The following CNKSR3 variants were observed in gnomAD, a reference collection of about 807,000 sequenced individuals.
The protein encoded by CNKSR3 is connector enhancer of kinase suppressor of ras 3.
Under a neutral mutation model 67.7 loss-of-function variants are expected in CNKSR3, and 36 were observed. The ratio of observed to expected loss-of-function variants is 0.53; its 90% CI spans 0.41 to 0.70. CNKSR3 has a LOEUF of 0.70. Among genes scored for constraint, CNKSR3 ranks in the 30% least tolerant of loss-of-function variants. The pLI is 0.00. For missense variants in CNKSR3, 630 were observed against 695.2 expected (o/e 0.91, Z 1.05); for synonymous variants, 281 against 271.4 (o/e 1.04, Z -0.35).
intron 9 of CNKSR3, among the ~76,000 whole-genome samples, chr6:154,419,971 T>C (rs1257232244): frequency 6.6e-6 from 1 of 151,870 alleles, no homozygotes; most frequent in Non-Finnish European, 1.5e-5. Flanking sequence ...TTTCAGCTAC[T>C]CAGAGGAGGC....
Position 154,401,043 on chromosome 6 carries a change from T to C in CNKSR3, c.*5311A>G, listed in dbSNP as rs963494628. On this transcript the variant is annotated 3_prime_UTR_variant, in exon 13 of 13. Coordinates refer to ENST00000607772, the MANE Select transcript of CNKSR3 (RefSeq NM_173515.4). ...TACATCATGCAAAATTTTCCACGTA[T>C]TGGAAGAAACATCAGAAATCAGCTT... is the stretch of plus-strand genomic sequence containing the variant. The C allele has an allele frequency of 6.6e-6, 1 of 152,210 alleles. No homozygotes were observed. The highest frequency in any genetic ancestry group is 2.4e-5 in the African/African-American group (1 of 41,454). The allele number at this position is 152,210 out of a possible 1,614,324, so 9.4% of individuals were successfully genotyped here.
At chr6:154,495,447 T>C (rs981129745) in intron 1 of CNKSR3, among the ~76,000 whole-genome samples, 1 of 151,664 alleles carries the variant, frequency 6.6e-6, no homozygotes, top group Non-Finnish European at 1.5e-5. Flanking sequence ...TAGCTCACTG[T>C]AGCCTCGAAC....
chr6:154,390,606 C>T lies in CNKSR3; in HGVS notation c.*15748G>A, dbSNP rs375198516. The T allele has an allele frequency of 6.6e-6, 1 of 152,064 alleles. No individual in the cohort carries two copies. Among genetic ancestry groups the T allele is most frequent in the Non-Finnish European group, 1.5e-5 (1 of 68,038 alleles). The allele number at this position is 152,064 out of a possible 1,614,324, so 9.4% of individuals were successfully genotyped here. A position where few individuals can be genotyped will look rare whatever the true frequency, so the allele number is the denominator to read the frequency against. On this transcript the variant is annotated 3_prime_UTR_variant, in exon 13 of 13. Coordinates refer to ENST00000607772, the MANE Select transcript of CNKSR3 (RefSeq NM_173515.4). Reference sequence around the variant, plus strand: ...AGTGGGACACAATTGCCTAGTGCCCCGTTGTGTCTCTGTTTGGCTCATTTT... The same window carrying T: ...AGTGGGACACAATTGCCTAGTGCCCTGTTGTGTCTCTGTTTGGCTCATTTT...
intron 1 of CNKSR3, among the ~76,000 whole-genome samples, chr6:154,464,413 G>A (rs548846699): frequency 3.3e-5 from 5 of 152,216 alleles, no homozygotes; most frequent in Admixed American, 6.5e-5. Flanking sequence ...TAAGCAGCAC[G>A]TTAAAGAAAG....
Position 154,450,145 on chromosome 6 carries a change from T to A in CNKSR3, c.166A>T (p.Ile56Phe). 6.2e-7 allele frequency: 1 copy of A among 1,614,126 alleles called. No homozygotes were observed. Among genetic ancestry groups the A allele is most frequent in the Non-Finnish European group, 8.5e-7 (1 of 1,180,018 alleles). The change falls in exon 2 of 13, where the codon ATT (isoleucine) becomes TTT (phenylalanine). Residue 56 changes from isoleucine (I) to phenylalanine (F), a missense_variant. Physicochemically the swap from Ile to Phe is conservative, Grantham distance 21. This residue lies in a region of CNKSR3 where 189 missense variants were observed against 205.0 expected (regional missense o/e 0.92). Transcript: ENST00000607772. ...QDLEELGVTRIGHQELVLEAV... is the reference protein window; with the variant it reads ...QDLEELGVTRFGHQELVLEAV... The stretch of plus-strand genomic sequence containing the variant: ...TCCAACACAAGCTCCTGGTGTCCAA[T>A]CCGTGTGACCCCCAGCTCCTCCAGG...
intron 12 of CNKSR3, among the ~76,000 whole-genome samples, chr6:154,409,000 T>A (rs879901105): frequency 3.3e-5 from 5 of 152,326 alleles, no homozygotes; most frequent in Non-Finnish European, 7.4e-5. Context: ...AGGAAGATGT[T>A]AACGTGTCTA....
intron 1 of CNKSR3, among the ~76,000 whole-genome samples, chr6:154,452,339 A>G (rs4311523): frequency 0.7 from 106,895 of 152,072 alleles, 37,925 homozygotes; most frequent in East Asian, 0.9. Context: ...TCTTAAATCA[A>G]CAGTAAGGTC....
chr6:154,407,872 G>GAA (rs56406534), intron 12 of CNKSR3, among the ~76,000 whole-genome samples: 13,249 of 68,610 alleles, frequency 0.19, 2,980 homozygotes, highest in East Asian at 0.26. Flanking sequence ...TTTAGAATTT[G>GAA]AAAAAAAAAA....
chr6:154,500,464 A>G (rs1030252958), intron 1 of CNKSR3, among the ~76,000 whole-genome samples: 1 of 152,206 alleles, frequency 6.6e-6, no homozygotes, highest in East Asian at 1.9e-4. Flanking sequence ...TGGAGCTGAC[A>G]GACTGTCTCC....
Position 154,450,140 on chromosome 6 carries a change from T to C in CNKSR3, c.171A>G (p.Gly57=). The change falls in exon 2 of 13, where the codon GGA becomes GGG. Residue 57 remains glycine, a synonymous_variant. Transcript: ENST00000607772. ...CAGCCTCCAACACAAGCTCCTGGTG[T>C]CCAATCCGTGTGACCCCCAGCTCCT... ...DLEELGVTRI[G]HQELVLEAVD... 6.2e-7 allele frequency: 1 copy of C among 1,614,122 alleles called. No homozygotes were observed. The highest frequency in any genetic ancestry group is 1.1e-5 in the South Asian group (1 of 91,082).
At position 154,397,108 on chromosome 6, in the gene CNKSR3, A is replaced by G. The variant is rs1270518691; in HGVS notation, c.*9246T>C. On this transcript the variant is annotated 3_prime_UTR_variant, in exon 13 of 13. Coordinates refer to ENST00000607772, the MANE Select transcript of CNKSR3 (RefSeq NM_173515.4). ...GGCGTGACCCACCGCGCCCGGCCTC[A>G]CTAATTGTTAGTTTAAATTACCACC... 1 of 152,076 alleles carries G rather than the reference A, an allele frequency of 6.6e-6. No homozygotes were observed. Among genetic ancestry groups the G allele is most frequent in the East Asian group, 1.9e-4 (1 of 5,196 alleles). The allele number at this position is 152,076 out of a possible 1,614,324, so 9.4% of individuals were successfully genotyped here. A position where few individuals can be genotyped will look rare whatever the true frequency, so the allele number is the denominator to read the frequency against.
chr6:154,406,129 C>G lies in CNKSR3; in HGVS notation c.*225G>C, dbSNP rs1784782901. 1 of 549,706 alleles carries G rather than the reference C, an allele frequency of 1.8e-6. No individual in the cohort carries two copies. Among genetic ancestry groups the G allele is most frequent in the Non-Finnish European group, 3.2e-6 (1 of 309,396 alleles). 34.1% of individuals were successfully genotyped at this position (549,706 alleles called of 1,614,324 possible). ...GGAAGCAAGACAAACAGGCTCTACC[C>G]ATTTCCCTCCTTTTGTCTCCACAAG... On this transcript the variant is annotated 3_prime_UTR_variant, in exon 13 of 13. Transcript: ENST00000607772.
intron 11 of CNKSR3, 78 bp from the exon 12 acceptor site, chr6:154,410,510 T>C (rs1416817994): frequency 1.1e-6 from 1 of 936,908 alleles, no homozygotes; most frequent in Non-Finnish European, 1.7e-6. Context: ...TATGTATAAC[T>C]TAGACCTCAC....
intron 1 of CNKSR3, among the ~76,000 whole-genome samples, chr6:154,495,356 CTTTTT>C (rs149762490): frequency 1.5e-5 from 2 of 129,622 alleles, no homozygotes; most frequent in South Asian, 2.5e-4. Context: ...GAATTCAACA[CTTTTT>C]TTTTTTTTTT....
chr6:154,443,912 T>C (rs1052147658), intron 2 of CNKSR3, among the ~76,000 whole-genome samples: 2 of 152,178 alleles, frequency 1.3e-5, no homozygotes, highest in Non-Finnish European at 2.9e-5. Flanking sequence ...TGTGTTCTTT[T>C]TGAACAATGT....
At chr6:154,455,518 T>A (rs1172297233) in intron 1 of CNKSR3, among the ~76,000 whole-genome samples, 2 of 151,828 alleles carry the variant, frequency 1.3e-5, no homozygotes, top group Non-Finnish European at 2.9e-5. Flanking sequence ...TTTCTTTCAC[T>A]CTTGTCAATT....
In CNKSR3 at chr6:154,405,305, T is replaced by A. The variant is rs1784765023; in HGVS notation, c.*1049A>T. 6.6e-6 allele frequency: 1 copy of A among 152,614 alleles called. No individual in the cohort carries two copies. The highest frequency in any genetic ancestry group is 2.4e-5 in the African/African-American group (1 of 41,444). The allele number at this position is 152,614 out of a possible 1,614,324, so 9.5% of individuals were successfully genotyped here. On this transcript the variant is annotated 3_prime_UTR_variant, in exon 13 of 13. Coordinates refer to ENST00000607772, the MANE Select transcript of CNKSR3 (RefSeq NM_173515.4). Reference sequence around the variant, plus strand: ...TATTTCAATTACAGGTGACTAAGAGTAAGAAAAATATACAACTATATTTAA... The same window carrying A: ...TATTTCAATTACAGGTGACTAAGAGAAAGAAAAATATACAACTATATTTAA...
At chr6:154,408,166 A>G (rs913786146) in intron 12 of CNKSR3, among the ~76,000 whole-genome samples, 1 of 152,072 alleles carries the variant, frequency 6.6e-6, no homozygotes, top group Non-Finnish European at 1.5e-5. Context: ...CTGAGACTAC[A>G]GGCGCCCACC....
chr6:154,454,263 G>A (rs1444341434), intron 1 of CNKSR3, among the ~76,000 whole-genome samples: 2 of 152,022 alleles, frequency 1.3e-5, no homozygotes, highest in African/African-American at 4.8e-5. Context: ...ACATAGAACT[G>A]TAATGAAAAT....
Sources: allele counts gnomAD v4.1 joint callset (sites outside exome capture counted in the v4.1 genomes callset), GRCh38; gene constraint gnomAD v4.1.1; regional missense constraint gnomAD v4.1.1; transcripts MANE v1.5; gene names NCBI Gene and HGNC (gene_info 2026-07-23, HGNC 2026-07-21).